The following WWOX variants were observed in gnomAD, a reference collection of about 807,000 sequenced individuals.
WWOX encodes the protein WW domain containing oxidoreductase.
A neutral mutation model predicts 46.2 loss-of-function variants in WWOX; 69 were observed. That is an observed-to-expected ratio of 1.49 (90% CI 1.23 to 1.82). The LOEUF (loss-of-function observed/expected upper bound fraction) is 1.82, where lower values mean the gene tolerates loss of function less well. WWOX is among the 40% of genes most tolerant of loss of function. The probability of loss-of-function intolerance (pLI) is 0.00; values close to 1 mark genes in which losing one functional copy is unlikely to be tolerated. For missense variants in WWOX, 919 were observed against 542.6 expected, an observed-to-expected ratio of 1.69 and a Z score of -6.89; for synonymous variants, 359 against 202.6, an observed-to-expected ratio of 1.77 and a Z score of -6.56.
At chr16:78,901,024 G>T (rs1395319273) in intron 8 of WWOX, among the ~76,000 whole-genome samples, 1 of 152,168 alleles carries the variant, frequency 6.6e-6, no homozygotes, top group Non-Finnish European at 1.5e-5. Context: ...ATGTTCTACA[G>T]AATGGACCAC....
At chr16:78,882,435 C>G (rs1366127681) in intron 8 of WWOX, among the ~76,000 whole-genome samples, 1 of 151,876 alleles carries the variant, frequency 6.6e-6, no homozygotes. Flanking sequence ...ATCCTAAGCT[C>G]CACTACAGCT....
At chr16:78,775,933 G>A (rs1157676820) in intron 8 of WWOX, among the ~76,000 whole-genome samples, 2 of 152,108 alleles carry the variant, frequency 1.3e-5, no homozygotes, top group Admixed American at 6.6e-5. Flanking sequence ...TCAGTCAGTG[G>A]CCATCACTAC....
chr16:78,278,424 A>T (rs578091365), intron 5 of WWOX, among the ~76,000 whole-genome samples: 1 of 152,324 alleles, frequency 6.6e-6, no homozygotes, highest in Admixed American at 6.5e-5. Flanking sequence ...TAATTTTGAT[A>T]TATATTTGTT....
chr16:78,182,835 C>G (rs1476475358), intron 5 of WWOX, among the ~76,000 whole-genome samples: 1 of 151,332 alleles, frequency 6.6e-6, no homozygotes, highest in Non-Finnish European at 1.5e-5. Flanking sequence ...CCTGTAGTGC[C>G]AGCTGCTTGG....
Position 78,838,351 on chromosome 16 carries a change from G to A in WWOX, c.1057-373257G>A, listed in dbSNP as rs2052047746. ...AGAGCTGACTTCAGAGGAGGCTTTA[G>A]GCGCTCCTGCATGTTGATTCTTAGA... is the stretch of plus-strand genomic sequence containing the variant. On this transcript the variant is annotated intron_variant, in intron 8 of 8. Coordinates refer to ENST00000566780, the MANE Select transcript of WWOX (RefSeq NM_016373.4). Among the ~76,000 whole-genome samples the A allele has an allele frequency of 3.3e-5, 5 of 152,286 alleles. No homozygotes were observed. In the South Asian group the frequency reaches 1.0e-3, roughly 32 times the overall value.
chr16:79,068,422 G>C (rs1244281652), intron 8 of WWOX, among the ~76,000 whole-genome samples: 1 of 152,018 alleles, frequency 6.6e-6, no homozygotes, highest in Non-Finnish European at 1.5e-5. Flanking sequence ...GCTCTGTGCT[G>C]CCTGACACAC....
intron 8 of WWOX, among the ~76,000 whole-genome samples, chr16:78,556,072 C>T (rs950624773): frequency 6.6e-6 from 1 of 152,038 alleles, no homozygotes; most frequent in African/African-American, 2.4e-5. Flanking sequence ...CCATTATTTC[C>T]TGAAGATTCA....
intron 8 of WWOX, among the ~76,000 whole-genome samples, chr16:78,531,926 C>G (rs2043632933): frequency 6.6e-6 from 1 of 152,152 alleles, no homozygotes; most frequent in South Asian, 2.1e-4. Flanking sequence ...TTTTCAGTCT[C>G]TTTCTCCCTT....
At chr16:78,402,378 C>T (rs1017395611) in intron 6 of WWOX, among the ~76,000 whole-genome samples, 8 of 152,262 alleles carry the variant, frequency 5.3e-5, no homozygotes, top group African/African-American at 1.7e-4. Flanking sequence ...ATCTGGTTGT[C>T]AGTCGGATAT....
chr16:78,519,421 G>A (rs929881898), intron 8 of WWOX, among the ~76,000 whole-genome samples: 1 of 151,842 alleles, frequency 6.6e-6, no homozygotes, highest in African/African-American at 2.4e-5. Flanking sequence ...TCCATGGAAG[G>A]TAAAACATGT....
chr16:78,910,041 T>C (rs1001350672), intron 8 of WWOX, among the ~76,000 whole-genome samples: 2 of 152,236 alleles, frequency 1.3e-5, no homozygotes, highest in African/African-American at 2.4e-5. Context: ...TAATTGCCCA[T>C]GCAACCCAGA....
At chr16:79,073,329 G>C (rs988395741) in intron 8 of WWOX, among the ~76,000 whole-genome samples, 1 of 151,906 alleles carries the variant, frequency 6.6e-6, no homozygotes, top group Non-Finnish European at 1.5e-5. Context: ...ACAGGTGCAC[G>C]CCGCCATGCC....
chr16:79,072,674 T>TCATCAC (rs376523894), intron 8 of WWOX, among the ~76,000 whole-genome samples: 4 of 152,236 alleles, frequency 2.6e-5, no homozygotes, highest in Non-Finnish European at 5.9e-5. Context: ...GTCATCTTCA[T>TCATCAC]CATCACCATC....
chr16:78,788,041 C>G (rs543302293), intron 8 of WWOX, among the ~76,000 whole-genome samples: 2 of 152,302 alleles, frequency 1.3e-5, no homozygotes, highest in East Asian at 1.9e-4. Context: ...ATTTTGGATA[C>G]TAGACCCTTA....
intron 5 of WWOX, among the ~76,000 whole-genome samples, chr16:78,315,363 A>T (rs2080337656): frequency 6.6e-6 from 1 of 152,134 alleles, no homozygotes. Flanking sequence ...TAATTATATG[A>T]TTATGCTGAG....
At chr16:78,721,224 G>T (rs1304823322) in intron 8 of WWOX, among the ~76,000 whole-genome samples, 2 of 145,666 alleles carry the variant, frequency 1.4e-5, no homozygotes, top group Non-Finnish European at 3.0e-5. Flanking sequence ...ATCTTTAATT[G>T]ATATGCCCCA....
chr16:78,831,939 G>A (rs2051838639), intron 8 of WWOX, among the ~76,000 whole-genome samples: 1 of 152,120 alleles, frequency 6.6e-6, no homozygotes, highest in Non-Finnish European at 1.5e-5. Context: ...CCTCACTTTT[G>A]GTGATAACTA....
At chr16:78,626,331 A>G (rs2046310782) in intron 8 of WWOX, among the ~76,000 whole-genome samples, 1 of 152,064 alleles carries the variant, frequency 6.6e-6, no homozygotes, top group Non-Finnish European at 1.5e-5. Flanking sequence ...TTTAATTGTC[A>G]GGTCTCCTTA....
At chr16:78,725,344 CTTTT>C (rs1220702069) in intron 8 of WWOX, among the ~76,000 whole-genome samples, 17 of 61,882 alleles carry the variant, frequency 2.7e-4, no homozygotes, top group African/African-American at 1.1e-3. Flanking sequence ...CTTTTCTTTT[CTTTT>C]TTTTTTTTTT....
Sources: allele counts gnomAD v4.1 joint callset (sites outside exome capture counted in the v4.1 genomes callset), GRCh38; gene constraint gnomAD v4.1.1; transcripts MANE v1.5; gene names NCBI Gene and HGNC (gene_info 2026-07-23, HGNC 2026-07-21).